The following PLEKHG1 variants were observed in gnomAD, a reference collection of about 807,000 sequenced individuals.
PLEKHG1 encodes pleckstrin homology and RhoGEF domain containing G1, also known as pleckstrin homology domain-containing family G member 1.
In PLEKHG1, 44 loss-of-function variants were observed where a neutral mutation model predicts 100.8. The observed-to-expected ratio is 0.44, with a 90% CI of 0.34 to 0.56. The LOEUF is 0.56. Among genes scored for constraint, PLEKHG1 ranks in the 20% least tolerant of loss-of-function variants. The pLI is 0.01. For missense variants in PLEKHG1, 1,545 were observed against 1,720.9 expected, an observed-to-expected ratio of 0.90 and a Z score of 1.81; for synonymous variants, 640 against 662.5, an observed-to-expected ratio of 0.97 and a Z score of 0.52.
At chr6:150,660,664 A>T (rs1360631097) in intron 3 of PLEKHG1, among the ~76,000 whole-genome samples, 1 of 152,220 alleles carries the variant, frequency 6.6e-6, no homozygotes, top group African/African-American at 2.4e-5. Context: ...GCCAGTTGTT[A>T]AAAACTCCAA....
intron 3 of PLEKHG1, among the ~76,000 whole-genome samples, chr6:150,785,046 AAG>A (rs386408934): frequency 4.0e-5 from 6 of 151,756 alleles, no homozygotes; most frequent in African/African-American, 4.8e-5. Flanking sequence ...AAAAAAAAAA[AAG>A]AGAGAGAGAG....
chr6:150,601,718 G>C (rs1776366628), intron 1 of PLEKHG1, among the ~76,000 whole-genome samples: 2 of 152,278 alleles, frequency 1.3e-5, no homozygotes, highest in East Asian at 1.9e-4. Context: ...ATGGCTGCAC[G>C]ACCTTCCCCA....
intron 3 of PLEKHG1, among the ~76,000 whole-genome samples, chr6:150,658,607 T>C (rs920357751): frequency 3.3e-5 from 5 of 152,186 alleles, no homozygotes; most frequent in African/African-American, 9.7e-5. Flanking sequence ...GTCTTCTCAA[T>C]TGAGGACTTC....
chr6:150,827,917 C>T, intron 14 of PLEKHG1: 1 of 1,591,684 alleles, frequency 6.3e-7, no homozygotes, highest in East Asian at 2.2e-5. Context: ...TGGAAAGCAA[C>T]TAAACTGAAG....
intron 1 of PLEKHG1, among the ~76,000 whole-genome samples, chr6:150,618,276 G>T (rs1169592294): frequency 6.6e-6 from 1 of 152,218 alleles, no homozygotes; most frequent in Non-Finnish European, 1.5e-5. Context: ...TGACACGAGT[G>T]ACTCCTCTGC....
At chr6:150,629,359 T>C (rs1383714537) in intron 1 of PLEKHG1, among the ~76,000 whole-genome samples, 6 of 152,156 alleles carry the variant, frequency 3.9e-5, no homozygotes, top group Non-Finnish European at 7.3e-5. Context: ...TATGGAATAT[T>C]CATACAAGGA....
chr6:150,686,257 T>C (rs1338494755), intron 3 of PLEKHG1, among the ~76,000 whole-genome samples: 1 of 152,270 alleles, frequency 6.6e-6, no homozygotes, highest in Non-Finnish European at 1.5e-5. Flanking sequence ...TGATTCGGAT[T>C]TTTATTAAAT....
chr6:150,632,747 T>C (rs1297511257), intron 1 of PLEKHG1, among the ~76,000 whole-genome samples: 2 of 152,232 alleles, frequency 1.3e-5, no homozygotes, highest in Admixed American at 6.5e-5. Context: ...GAATGGGTAA[T>C]TGAGGAGAAC....
At chr6:150,783,159 G>GA (rs149760173) in intron 3 of PLEKHG1, among the ~76,000 whole-genome samples, 1,814 of 117,676 alleles carry the variant, frequency 0.015, 57 homozygotes, top group African/African-American at 0.069. Flanking sequence ...AAGAAATGGG[G>GA]AAAAAAAACT....
At chr6:150,769,340 G>A (rs1308452529) in intron 3 of PLEKHG1, among the ~76,000 whole-genome samples, 2 of 152,054 alleles carry the variant, frequency 1.3e-5, no homozygotes, top group Non-Finnish European at 2.9e-5. Context: ...CCAGCACTTT[G>A]GTAGGCCGAG....
chr6:150,642,521 A>C (rs1778314148), intron 2 of PLEKHG1, among the ~76,000 whole-genome samples: 1 of 152,234 alleles, frequency 6.6e-6, no homozygotes, highest in African/African-American at 2.4e-5. Flanking sequence ...GCCAAGACCA[A>C]GATTTTAATA....
chr6:150,620,211 AAAC>A lies in PLEKHG1; in HGVS notation c.-203-17863_-203-17861del, dbSNP rs549186370. ...TTTTCGTGTGGGTGAATGGAAAGAA[AAAC>A]AACAATTTCGGTTTGATTGTTAGAA... is the stretch of plus-strand genomic sequence containing the variant. On this transcript the variant is annotated intron_variant, in intron 1 of 3. Coordinates refer to the PLEKHG1 transcript ENST00000367326. 5.1e-3 allele frequency among the ~76,000 whole-genome samples: 783 copies of A among 152,302 alleles called. 7 individuals carry two copies. The highest frequency in any genetic ancestry group is 0.018 in the African/African-American group (753 of 41,556).
At chr6:150,797,137 C>A (rs1786383413) in intron 5 of PLEKHG1, among the ~76,000 whole-genome samples, 1 of 151,962 alleles carries the variant, frequency 6.6e-6, no homozygotes, top group Non-Finnish European at 1.5e-5. Flanking sequence ...TTACACCGCA[C>A]CCCACCAGAC....
At chr6:150,706,661 A>G (rs1187636253) in intron 3 of PLEKHG1, among the ~76,000 whole-genome samples, 1 of 151,680 alleles carries the variant, frequency 6.6e-6, no homozygotes, top group African/African-American at 2.4e-5. Flanking sequence ...CTATGACACC[A>G]GTTATCTGTT....
chr6:150,624,943 C>T (rs1452298289), intron 1 of PLEKHG1: 1 of 152,112 alleles, frequency 6.6e-6, no homozygotes. Context: ...GTAATCCCAA[C>T]ACTTTGGGAG....
At chr6:150,608,342 G>A (rs890657124) in intron 1 of PLEKHG1, among the ~76,000 whole-genome samples, 4 of 152,218 alleles carry the variant, frequency 2.6e-5, no homozygotes, top group African/African-American at 9.6e-5. Flanking sequence ...CTGAGGAACA[G>A]AAGGAGACTG....
chr6:150,793,953 A>G (rs1257107334), intron 4 of PLEKHG1, among the ~76,000 whole-genome samples: 2 of 152,148 alleles, frequency 1.3e-5, no homozygotes, highest in African/African-American at 2.4e-5. Context: ...ATGGTGACGC[A>G]TGCCTGTAAT....
intron 15 of PLEKHG1, among the ~76,000 whole-genome samples, chr6:150,835,634 C>CTAA (rs565952769): frequency 6.6e-6 from 1 of 152,190 alleles, no homozygotes; most frequent in Non-Finnish European, 1.5e-5. Flanking sequence ...ACTCAGCTGA[C>CTAA]TAATACTAAG....
intron 1 of PLEKHG1, among the ~76,000 whole-genome samples, chr6:150,607,825 G>T (rs1776664659): frequency 6.6e-6 from 1 of 152,190 alleles, no homozygotes; most frequent in South Asian, 2.1e-4. Context: ...GATGGGAAAT[G>T]GGTGCATGGA....
Sources: gnomAD v4.1 joint callset for allele counts (sites outside exome capture counted in the v4.1 genomes callset) on GRCh38, gnomAD v4.1.1 for gene constraint, MANE v1.5 for transcripts, NCBI Gene and HGNC (gene_info 2026-07-23, HGNC 2026-07-21) for gene names.